RPRD1A: variants seen among roughly 807,000 people sequenced by gnomAD.
RPRD1A encodes the protein regulation of nuclear pre-mRNA domain containing 1A.
Under a neutral mutation model 37.8 loss-of-function variants are expected in RPRD1A, and 9 were observed. The observed-to-expected ratio is 0.24, with a 90% CI of 0.14 to 0.42. RPRD1A has a LOEUF of 0.42. Among genes scored for constraint, RPRD1A ranks in the 10% least tolerant of loss-of-function variants. RPRD1A has a pLI of 1.00. For missense variants in RPRD1A, 255 were observed against 371.0 expected (o/e 0.69, Z 2.57); for synonymous variants, 138 against 139.7 (o/e 0.99, Z 0.08).
intron 6 of RPRD1A, chr18:36,025,266 T>C (rs1447297888): frequency 1.1e-5 from 2 of 182,484 alleles, no homozygotes; most frequent in Admixed American, 1.1e-4. Flanking sequence ...TCTGTATCTA[T>C]CAAATGTGGA....
At chr18:36,039,879 TACAC>T (rs200290126) in intron 1 of RPRD1A, among the ~76,000 whole-genome samples, 4,957 of 140,594 alleles carry the variant, frequency 0.035, 117 homozygotes, top group Non-Finnish European at 0.049. Context: ...CATGCACATA[TACAC>T]ACACACAAAC....
intron 1 of RPRD1A, among the ~76,000 whole-genome samples, chr18:36,051,492 T>A (rs1470490108): frequency 6.6e-6 from 1 of 152,144 alleles, no homozygotes. Context: ...AGTTCCTAAA[T>A]CATACACTAG....
Position 36,067,425 on chromosome 18 carries a change from G to A in RPRD1A, c.-21C>T. ...GACATCCCTCCGACACCACGTTCAC[G>A]CCGTCCCACGCGGTGGGGCCGAGGG... On this transcript the variant is annotated 5_prime_UTR_variant, in exon 1 of 7. Coordinates refer to ENST00000399022, the MANE Select transcript of RPRD1A (RefSeq NM_018170.5). 1 of 1,598,032 alleles carries A rather than the reference G, an allele frequency of 6.3e-7. No homozygotes were observed. The highest frequency in any genetic ancestry group is 1.1e-5 in the South Asian group (1 of 88,674).
chr18:36,052,908 T>C (rs1234050210), intron 1 of RPRD1A: 2 of 152,086 alleles, frequency 1.3e-5, no homozygotes, highest in Non-Finnish European at 2.9e-5. Context: ...TCAATTCAAA[T>C]TTAAGAGGTT....
intron 6 of RPRD1A, among the ~76,000 whole-genome samples, chr18:36,001,998 CAGGTA>C (rs373989816): frequency 1.3e-5 from 2 of 152,156 alleles, no homozygotes; most frequent in Non-Finnish European, 2.9e-5. Flanking sequence ...TGTTACGCTA[CAGGTA>C]AGGTAAGGTG....
At chr18:36,003,762 T>C (rs533033321) in intron 6 of RPRD1A, among the ~76,000 whole-genome samples, 21 of 152,324 alleles carry the variant, frequency 1.4e-4, no homozygotes, top group African/African-American at 5.1e-4. Flanking sequence ...GATATCAAAA[T>C]TATCAATAAA....
chr18:36,021,668 T>A (rs985807358), intron 6 of RPRD1A, among the ~76,000 whole-genome samples: 12 of 152,170 alleles, frequency 7.9e-5, no homozygotes, highest in African/African-American at 2.2e-4. Flanking sequence ...TTAGCCAAGC[T>A]GTGAATGCAA....
At chr18:36,006,042 A>C (rs992417994) in intron 6 of RPRD1A, among the ~76,000 whole-genome samples, 1 of 152,240 alleles carries the variant, frequency 6.6e-6, no homozygotes, top group African/African-American at 2.4e-5. Flanking sequence ...AGGTAAGAAT[A>C]GCATCTACCT....
intron 1 of RPRD1A, among the ~76,000 whole-genome samples, chr18:36,061,112 A>G (rs2088901890): frequency 6.6e-6 from 1 of 152,116 alleles, no homozygotes. Flanking sequence ...CTACCCCCGC[A>G]ACTTGTTCAA....
At chr18:36,022,967 A>C (rs1944326) in intron 6 of RPRD1A, among the ~76,000 whole-genome samples, 1 of 152,146 alleles carries the variant, frequency 6.6e-6, no homozygotes, top group African/African-American at 2.4e-5. Context: ...CTCCAAAATA[A>C]CAATAATAAA....
intron 6 of RPRD1A, among the ~76,000 whole-genome samples, chr18:35,994,245 T>A (rs991879519): frequency 3.3e-5 from 5 of 152,182 alleles, no homozygotes; most frequent in African/African-American, 9.7e-5. Flanking sequence ...TCACGCTCTT[T>A]CCAAATGTGG....
chr18:35,993,998 G>C (rs996783711), intron 6 of RPRD1A, among the ~76,000 whole-genome samples: 1 of 152,160 alleles, frequency 6.6e-6, no homozygotes, highest in Non-Finnish European at 1.5e-5. Flanking sequence ...TCATGAGGAA[G>C]GTGGCTCCAC....
chr18:36,031,919 C>T (rs1475683635), intron 2 of RPRD1A, among the ~76,000 whole-genome samples: 1 of 152,218 alleles, frequency 6.6e-6, no homozygotes, highest in Non-Finnish European at 1.5e-5. Flanking sequence ...AGTACACACT[C>T]CCTAATACCT....
rs551962644 is a variant in RPRD1A at position 36,052,607 on chromosome 18, G to A, written c.151+14647C>T. On this transcript the variant is annotated intron_variant, in intron 1 of 6. Transcript: ENST00000399022. ...AAGTTGGTATCAATTCATTTTTGTT[G>A]GGGGCGGGGGGGATGGAATCTTGCC... 3.0e-4 allele frequency among the ~76,000 whole-genome samples: 46 copies of A among 152,074 alleles called. No individual in the cohort carries two copies. In the East Asian group the frequency reaches 8.7e-3, roughly 29 times the overall value.
At chr18:36,033,925 C>A (rs1294546087) in intron 1 of RPRD1A, 88 bp from the exon 2 acceptor site, 1 of 1,093,608 alleles carries the variant, frequency 9.1e-7, no homozygotes, top group Admixed American at 2.4e-5. Flanking sequence ...ATTTTGAGAA[C>A]TAAAATAACC....
intron 6 of RPRD1A, among the ~76,000 whole-genome samples, chr18:36,005,031 G>A (rs1909658403): frequency 6.6e-6 from 1 of 152,276 alleles, no homozygotes; most frequent in African/African-American, 2.4e-5. Context: ...GCCAGGCGCA[G>A]TGGCTCACGC....
intron 1 of RPRD1A, among the ~76,000 whole-genome samples, chr18:36,049,910 C>T (rs1344904322): frequency 1.3e-5 from 2 of 152,160 alleles, no homozygotes; most frequent in Non-Finnish European, 2.9e-5. Flanking sequence ...TCTATAGCAG[C>T]TGCACCATTT....
At position 35,990,011 on chromosome 18, in the gene RPRD1A, TTAAG is replaced by T. The variant is rs1908633083; in HGVS notation, c.*3136_*3139del. 6.6e-6 allele frequency: 1 copy of T among 152,216 alleles called. No individual in the cohort carries two copies. The highest frequency in any genetic ancestry group is 1.5e-5 in the Non-Finnish European group (1 of 68,044). The allele number at this position is 152,216 out of a possible 1,614,324, so 9.4% of individuals were successfully genotyped here. ...ACAAATGCTCTGTATAAATAATTCA[TTAAG>T]TAACACAATGTTTCCTTTCTATACA... On this transcript the variant is annotated 3_prime_UTR_variant, in exon 7 of 7. Transcript: ENST00000399022.
intron 6 of RPRD1A, among the ~76,000 whole-genome samples, chr18:36,007,793 C>A (rs555227997): frequency 2.8e-4 from 42 of 151,936 alleles, no homozygotes; most frequent in Non-Finnish European, 4.4e-4. Flanking sequence ...CAAAAATTAG[C>A]CGGGCGTGGT....
Sources: gnomAD v4.1 joint callset for allele counts (sites outside exome capture counted in the v4.1 genomes callset) on GRCh38, gnomAD v4.1.1 for gene constraint, MANE v1.5 for transcripts, NCBI Gene and HGNC (gene_info 2026-07-23, HGNC 2026-07-21) for gene names.